The following PPP1R12B variants were observed in gnomAD, a reference collection of about 807,000 sequenced individuals.
PPP1R12B encodes the protein myosin phosphatase target subunit 2.
Under a neutral mutation model 126.1 loss-of-function variants are expected in PPP1R12B, and 76 were observed. That is an observed-to-expected ratio of 0.60 (90% CI 0.50 to 0.73). The LOEUF (loss-of-function observed/expected upper bound fraction) is 0.73, where lower values mean the gene tolerates loss of function less well. Among genes scored for constraint, PPP1R12B ranks in the 30% least tolerant of loss-of-function variants. The pLI, the probability that PPP1R12B is intolerant of heterozygous loss-of-function variation, is 0.00. For missense variants in PPP1R12B, 1,052 were observed against 1,205.1 expected (o/e 0.87, Z 1.88); for synonymous variants, 356 against 434.7 (o/e 0.82, Z 2.25).
intron 1 of PPP1R12B, among the ~76,000 whole-genome samples, chr1:202,404,131 A>G (rs1666241556): frequency 6.6e-6 from 1 of 152,112 alleles, no homozygotes; most frequent in East Asian, 1.9e-4. Flanking sequence ...AAAAACCTCA[A>G]TACCTCCCTG....
Position 202,495,485 on chromosome 1 carries a change from A to G in PPP1R12B, c.2335+3A>G, listed in dbSNP as rs373320767. The G allele has an allele frequency of 2.3e-5, 37 of 1,607,080 alleles. No homozygotes were observed. The highest frequency in any genetic ancestry group is 3.0e-5 in the Non-Finnish European group (35 of 1,176,066). On this transcript the variant is annotated splice_donor_region_variant and intron_variant, in intron 16 of 23. Transcript: ENST00000608999. ...TGCAAAGGAAATGGACAAAAATGGT[A>G]TGTAGAACTTCAAAAGACACAGGCC...
chr1:202,527,907 G>A (rs1307674354), intron 18 of PPP1R12B, among the ~76,000 whole-genome samples: 1 of 152,176 alleles, frequency 6.6e-6, no homozygotes, highest in Non-Finnish European at 1.5e-5. Flanking sequence ...CCAAAATAAA[G>A]TCTGAATACT....
At chr1:202,562,654 A>T in intron 19 of PPP1R12B, 124 bp from the exon 20 acceptor site, 1 of 1,059,676 alleles carries the variant, frequency 9.4e-7, no homozygotes, top group Non-Finnish European at 1.5e-6. Context: ...GAATGTTATG[A>T]GTTGTTTCTG....
chr1:202,362,132 AT>A (rs372187805), intron 1 of PPP1R12B, among the ~76,000 whole-genome samples: 1 of 141,278 alleles, frequency 7.1e-6, no homozygotes, highest in South Asian at 2.2e-4. Context: ...AGTGATTTTT[AT>A]TTTTTTTAAA....
intron 1 of PPP1R12B, among the ~76,000 whole-genome samples, chr1:202,362,763 T>C (rs1361421105): frequency 6.6e-6 from 1 of 152,166 alleles, no homozygotes; most frequent in Non-Finnish European, 1.5e-5. Context: ...TCTTCATTTT[T>C]CTTAATATCA....
intron 12 of PPP1R12B, 88 bp downstream of exon 12, chr1:202,442,660 A>T: frequency 7.5e-7 from 1 of 1,337,214 alleles, no homozygotes; most frequent in Non-Finnish European, 1.0e-6. Context: ...ATGTCCAATT[A>T]ACACCGCAGA....
At chr1:202,458,538 C>G (rs1176250755) in intron 13 of PPP1R12B, among the ~76,000 whole-genome samples, 2 of 152,050 alleles carry the variant, frequency 1.3e-5, no homozygotes, top group East Asian at 3.9e-4. Context: ...ATTTGAATTT[C>G]TAGTCTCAAA....
At chr1:202,457,509 C>T (rs1319492190) in intron 13 of PPP1R12B, among the ~76,000 whole-genome samples, 1 of 150,590 alleles carries the variant, frequency 6.6e-6, no homozygotes, top group Non-Finnish European at 1.5e-5. Flanking sequence ...GCTGAGATTG[C>T]GCCATTGCTC....
Position 202,565,733 on chromosome 1 carries a change from A to G in PPP1R12B, c.2757+1186A>G, listed in dbSNP as rs1156263218. On this transcript the variant is annotated intron_variant, in intron 21 of 23. Transcript: ENST00000608999. This position sits in a 1 kb window ranked among gnomAD's most constrained non-coding sequence, Gnocchi z 4.3. The stretch of plus-strand genomic sequence containing the variant: ...CATGGCTCTACTGGAAATTTCTGAG[A>G]CTTACTGCAACACAAATAGATAATA... 6.6e-6 allele frequency among the ~76,000 whole-genome samples: 1 copy of G among 152,180 alleles called. No homozygotes were observed. Among genetic ancestry groups the G allele is most frequent in the East Asian group, 1.9e-4 (1 of 5,200 alleles).
intron 1 of PPP1R12B, among the ~76,000 whole-genome samples, chr1:202,353,726 T>C (rs1439119036): frequency 6.6e-6 from 1 of 151,346 alleles, no homozygotes; most frequent in Non-Finnish European, 1.5e-5. Context: ...CCTCCCCACC[T>C]CAGCCTCCTT....
At chr1:202,478,022 G>A (rs1193247733) in intron 13 of PPP1R12B, among the ~76,000 whole-genome samples, 3 of 152,158 alleles carry the variant, frequency 2.0e-5, no homozygotes, top group Non-Finnish European at 2.9e-5. Context: ...TTTTATTTCT[G>A]TTTTGTGAGA....
At chr1:202,579,420 C>T (rs370789142) in intron 23 of PPP1R12B, among the ~76,000 whole-genome samples, 16 of 152,180 alleles carry the variant, frequency 1.1e-4, no homozygotes, top group African/African-American at 3.9e-4. Flanking sequence ...ACAGATGTAG[C>T]TTTCTGTAGC....
rs776339705 is a variant in PPP1R12B, at chr1:202,427,066, T to C, written c.728T>C (p.Leu243Pro). The C allele has an allele frequency of 1.7e-5, 28 of 1,613,688 alleles. No homozygotes were observed. In the Middle Eastern group the frequency reaches 5.0e-4, roughly 29 times the overall value. Residue 243 changes from leucine to proline, a missense_variant, in exon 5 of 24, where the codon CTC becomes CCC. By Grantham distance (98) the Leu-to-Pro change is moderately conservative. Transcript: ENST00000608999. ...LRLLIQAGYE[L>P]NVQDYDGWTP... is the part of the protein sequence containing the mutation. ...CTTTTAATTCAGGCTGGCTATGAAC[T>C]CAATGTTCAGGATTATGATGGCTGG... is the stretch of plus-strand genomic sequence containing the variant.
At chr1:202,535,844 G>A (rs769674140) in intron 18 of PPP1R12B, among the ~76,000 whole-genome samples, 3 of 152,076 alleles carry the variant, frequency 2.0e-5, no homozygotes, top group Non-Finnish European at 4.4e-5. Context: ...ATGCTTGTTG[G>A]CTGGGTTGAA....
At chr1:202,417,409 A>C (rs1668223751) in intron 2 of PPP1R12B, 2 of 985,170 alleles carry the variant, frequency 2.0e-6, no homozygotes, top group African/African-American at 1.7e-5. Flanking sequence ...AAAGGTGGGC[A>C]CTGGCATGTG....
Position 202,565,129 on chromosome 1 carries a change from A to G in PPP1R12B, c.2757+582A>G, listed in dbSNP as rs1011687965. On this transcript the variant is annotated intron_variant, in intron 21 of 23. Transcript: ENST00000608999. This position sits in a 1 kb window ranked among gnomAD's most constrained non-coding sequence, Gnocchi z 4.3. The stretch of plus-strand genomic sequence containing the variant: ...CAAATAAGGAATATTAGTGGCAGAA[A>G]GACTGATAAACTATTTCCTCTCACT... Among the ~76,000 whole-genome samples the G allele has an allele frequency of 2.0e-5, 3 of 152,264 alleles. No homozygotes were observed. The highest frequency in any genetic ancestry group is 7.2e-5 in the African/African-American group (3 of 41,474).
At chr1:202,557,259 C>A (rs1302488734) in intron 18 of PPP1R12B, among the ~76,000 whole-genome samples, 1 of 152,092 alleles carries the variant, frequency 6.6e-6, no homozygotes, top group African/African-American at 2.4e-5. Flanking sequence ...GCTGGGATTA[C>A]AGGTGTGAGC....
chr1:202,392,903 AT>A (rs1664353410), intron 1 of PPP1R12B, among the ~76,000 whole-genome samples: 1 of 152,088 alleles, frequency 6.6e-6, no homozygotes, highest in Non-Finnish European at 1.5e-5. Context: ...TATGACTATA[AT>A]TTTTAAAAAA....
At chr1:202,383,725 A>T (rs930664407) in intron 1 of PPP1R12B, among the ~76,000 whole-genome samples, 1 of 152,012 alleles carries the variant, frequency 6.6e-6, no homozygotes, top group Admixed American at 6.6e-5. Flanking sequence ...CTGTGTCTCA[A>T]AAAAAAAGAA....
Sources: gnomAD v4.1 joint callset for allele counts (sites outside exome capture counted in the v4.1 genomes callset) on GRCh38, gnomAD v4.1.1 for gene constraint, Gnocchi (gnomAD v3.1) non-coding constraint, MANE v1.5 for transcripts, NCBI Gene and HGNC (gene_info 2026-07-23, HGNC 2026-07-21) for gene names.